LEMD1: variants seen among roughly 807,000 people sequenced by gnomAD.
The protein encoded by LEMD1 is LEM domain containing 1, also known as LEM domain-containing protein 1.
LEMD1 carries 18 observed loss-of-function variants against 17.4 expected under a neutral mutation model. The observed-to-expected ratio is 1.04, with a 90% CI of 0.72 to 1.54. The LOEUF (loss-of-function observed/expected upper bound fraction) is 1.54, where lower values mean the gene tolerates loss of function less well. LEMD1 is among the 40% of genes most tolerant of loss of function. The probability of loss-of-function intolerance (pLI) is 0.00; values close to 1 mark genes in which losing one functional copy is unlikely to be tolerated. For missense variants in LEMD1, 195 were observed against 210.4 expected (o/e 0.93, Z 0.45); for synonymous variants, 88 against 77.8 (o/e 1.13, Z -0.69).
At chr1:205,412,474 T>C (rs1665496326) in intron 4 of LEMD1, among the ~76,000 whole-genome samples, 1 of 152,192 alleles carries the variant, frequency 6.6e-6, no homozygotes, top group African/African-American at 2.4e-5. Context: ...TGGCTTGCAT[T>C]CCACTAGAAA....
chr1:205,420,216 G>T (rs1211176035), intron 2 of LEMD1, among the ~76,000 whole-genome samples: 1 of 152,144 alleles, frequency 6.6e-6, no homozygotes, highest in East Asian at 1.9e-4. Context: ...TGCTTGGGAG[G>T]CTCAGGCAGG....
At chr1:205,399,415 G>A (rs1282420206) in intron 4 of LEMD1, among the ~76,000 whole-genome samples, 1 of 152,158 alleles carries the variant, frequency 6.6e-6, no homozygotes, top group Admixed American at 6.5e-5. Flanking sequence ...AGAGATGTAT[G>A]TGTGTATACG....
At chr1:205,430,479 G>C (rs1390608160) in intron 1 of LEMD1, among the ~76,000 whole-genome samples, 2 of 152,154 alleles carry the variant, frequency 1.3e-5, no homozygotes, top group Non-Finnish European at 2.9e-5. Context: ...GGTAGGGGTG[G>C]ACAACCAAAG....
chr1:205,441,259 CCTGAT>C lies in LEMD1; in HGVS notation c.-39+8604_-39+8608del, dbSNP rs1558743706. 6.6e-6 allele frequency among the ~76,000 whole-genome samples: 1 copy of C among 152,126 alleles called. No individual in the cohort carries two copies. Among genetic ancestry groups the C allele is most frequent in the African/African-American group, 2.4e-5 (1 of 41,432 alleles). ...ACAGCTCTTTGAAACCTCAGTGTTT[CCTGAT>C]CTGTGTGGAGCTGATGTCATTCCTC... On this transcript the variant is annotated intron_variant, in intron 1 of 3. Transcript: ENST00000367154. This position sits in a 1 kb window ranked among gnomAD's most constrained non-coding sequence, Gnocchi z 4.3.
chr1:205,446,630 G>A (rs1174056332), intron 1 of LEMD1, among the ~76,000 whole-genome samples: 2 of 152,220 alleles, frequency 1.3e-5, no homozygotes, highest in East Asian at 3.9e-4. Flanking sequence ...CCAGTTAGGA[G>A]ATCAGGAGTT....
chr1:205,420,951 T>C (rs192028470), intron 1 of LEMD1, among the ~76,000 whole-genome samples: 2 of 112,738 alleles, frequency 1.8e-5, no homozygotes, highest in Non-Finnish European at 3.4e-5. Context: ...GCTGAGAGGT[T>C]TTTTTTTTTT....
chr1:205,390,319 C>T (rs1664272788), intron 4 of LEMD1, among the ~76,000 whole-genome samples: 1 of 150,966 alleles, frequency 6.6e-6, no homozygotes, highest in African/African-American at 2.4e-5. Flanking sequence ...TACGCCACTG[C>T]ACTCCAGCCT....
chr1:205,407,329 CAAAAA>C (rs1202450022), intron 4 of LEMD1, among the ~76,000 whole-genome samples: 1 of 55,270 alleles, frequency 1.8e-5, no homozygotes, highest in Non-Finnish European at 3.5e-5. Flanking sequence ...GACCCCATCT[CAAAAA>C]AAAAAAAAAA....
chr1:205,440,325 C>T (rs556994085), intron 1 of LEMD1, among the ~76,000 whole-genome samples: 150 of 152,310 alleles, frequency 9.8e-4, no homozygotes, highest in African/African-American at 3.6e-3. Flanking sequence ...GAGCCACTGG[C>T]CACCTCTGCC....
chr1:205,406,327 G>C (rs1240049102), intron 4 of LEMD1, among the ~76,000 whole-genome samples: 1 of 152,232 alleles, frequency 6.6e-6, no homozygotes, highest in African/African-American at 2.4e-5. Flanking sequence ...TACAGAGGCA[G>C]GCAGGCCTCC....
At chr1:205,431,706 GC>G (rs1172616410) in intron 1 of LEMD1, among the ~76,000 whole-genome samples, 1 of 151,464 alleles carries the variant, frequency 6.6e-6, no homozygotes, top group Non-Finnish European at 1.5e-5. Context: ...CAACACGGAA[GC>G]TTTTTTCTTT....
intron 4 of LEMD1, among the ~76,000 whole-genome samples, chr1:205,389,708 G>A (rs1264684708): frequency 6.6e-6 from 1 of 152,188 alleles, no homozygotes; most frequent in African/African-American, 2.4e-5. Context: ...AGGCCTATAT[G>A]TAGAATTGGA....
chr1:205,446,244 A>G (rs995686118), intron 1 of LEMD1, among the ~76,000 whole-genome samples: 1 of 152,226 alleles, frequency 6.6e-6, no homozygotes, highest in African/African-American at 2.4e-5. Context: ...GAGACAAAGA[A>G]TAGAATGGAG....
chr1:205,426,159 A>G (rs565777869), upstream of LEMD1, among the ~76,000 whole-genome samples: 128 of 152,266 alleles, frequency 8.4e-4, no homozygotes, highest in African/African-American at 3.0e-3. Flanking sequence ...TAAAACCTAA[A>G]CGGTCCTAAC....
At chr1:205,399,824 T>C (rs1308768561) in intron 4 of LEMD1, among the ~76,000 whole-genome samples, 1 of 152,132 alleles carries the variant, frequency 6.6e-6, no homozygotes, top group African/African-American at 2.4e-5. Context: ...AGTTATTGAA[T>C]GAATAGGGAG....
chr1:205,446,228 A>G (rs1666385967), intron 1 of LEMD1, among the ~76,000 whole-genome samples: 1 of 152,248 alleles, frequency 6.6e-6, no homozygotes, highest in Non-Finnish European at 1.5e-5. Context: ...CATTGGCAGT[A>G]GCCAAGAGAC....
At chr1:205,445,604 A>C (rs1466345741) in intron 1 of LEMD1, among the ~76,000 whole-genome samples, 1 of 152,094 alleles carries the variant, frequency 6.6e-6, no homozygotes, top group African/African-American at 2.4e-5. Flanking sequence ...ACTTTTCCAG[A>C]CTGCAAGGGC....
At chr1:205,425,954 T>C (rs1036685565), upstream of LEMD1, among the ~76,000 whole-genome samples, 1 of 152,150 alleles carries the variant, frequency 6.6e-6, no homozygotes, top group Non-Finnish European at 1.5e-5. Flanking sequence ...AGTTCCAAGG[T>C]TTCCTCTGCA....
chr1:205,411,456 A>T (rs535059712), intron 4 of LEMD1, among the ~76,000 whole-genome samples: 47 of 151,622 alleles, frequency 3.1e-4, no homozygotes, highest in Non-Finnish European at 4.4e-4. Flanking sequence ...CCGGAGAGGC[A>T]GAGGCAGGAG....
Sources: gnomAD v4.1 joint callset for allele counts (sites outside exome capture counted in the v4.1 genomes callset) on GRCh38, gnomAD v4.1.1 for gene constraint, Gnocchi (gnomAD v3.1) non-coding constraint, MANE v1.5 for transcripts, NCBI Gene and HGNC (gene_info 2026-07-23, HGNC 2026-07-21) for gene names.